CAP2: variants seen among roughly 807,000 people sequenced by gnomAD.
The protein encoded by CAP2 is adenylyl cyclase-associated protein 2.
In CAP2, 24 loss-of-function variants were observed where a neutral mutation model predicts 57.7. That is an observed-to-expected ratio of 0.42 (90% CI 0.30 to 0.58). CAP2 has a LOEUF of 0.58. Ranked by LOEUF, CAP2 falls within the 20% of genes least tolerant of loss-of-function variation. The pLI is 0.22. For missense variants in CAP2, 501 were observed against 590.3 expected, an observed-to-expected ratio of 0.85 and a Z score of 1.57; for synonymous variants, 194 against 207.2, an observed-to-expected ratio of 0.94 and a Z score of 0.55.
At chr6:17,427,020 C>G (rs527640687) in intron 3 of CAP2, among the ~76,000 whole-genome samples, 2 of 151,816 alleles carry the variant, frequency 1.3e-5, no homozygotes, top group African/African-American at 4.8e-5. Context: ...GTTTTAAGTA[C>G]GAAAAGAATA....
At chr6:17,501,476 G>A (rs76653705) in intron 4 of CAP2, among the ~76,000 whole-genome samples, 10,077 of 152,148 alleles carry the variant, frequency 0.066, 376 homozygotes, top group East Asian at 0.12. Flanking sequence ...AAAGAAATTC[G>A]TTAAAAAGAA....
intron 7 of CAP2, among the ~76,000 whole-genome samples, chr6:17,524,282 C>T (rs895501825): frequency 7.2e-5 from 11 of 152,132 alleles, no homozygotes; most frequent in Admixed American, 6.6e-4. Context: ...TCCAATTTCA[C>T]ACACAGTCAT....
intron 4 of CAP2, among the ~76,000 whole-genome samples, chr6:17,465,597 C>T (rs769501570): frequency 1.3e-5 from 2 of 152,148 alleles, no homozygotes; most frequent in Non-Finnish European, 2.9e-5. Flanking sequence ...TGAGTGATCA[C>T]CACGTGTTGT....
chr6:17,476,034 G>T (rs957298632), intron 4 of CAP2, among the ~76,000 whole-genome samples: 1 of 152,170 alleles, frequency 6.6e-6, no homozygotes, highest in Non-Finnish European at 1.5e-5. Context: ...CTCTTGGATA[G>T]TCATAATTGG....
rs185152106 is a variant in CAP2, at chr6:17,476,528, C to G, written c.300+13455C>G. Among the ~76,000 whole-genome samples, 390 of 152,330 alleles carry G rather than the reference C, an allele frequency of 2.6e-3. 2 individuals carry two copies. Among genetic ancestry groups the G allele is most frequent in the African/African-American group, 8.7e-3 (360 of 41,582 alleles). ...ATCATTCTGTAATTCTCTAATACCACGCTTGAGATTGGATTATCTTTTTCA... is the reference window on the plus strand; with the variant it reads ...ATCATTCTGTAATTCTCTAATACCAGGCTTGAGATTGGATTATCTTTTTCA... On this transcript the variant is annotated intron_variant, in intron 4 of 12. Transcript: ENST00000229922.
chr6:17,436,187 C>T lies in CAP2; in HGVS notation c.222+9497C>T, dbSNP rs963002063. 4.0e-5 allele frequency among the ~76,000 whole-genome samples: 6 copies of T among 151,742 alleles called. 1 individual carries two copies. Among genetic ancestry groups the T allele is most frequent in the South Asian group, 4.2e-4 (2 of 4,784 alleles). On this transcript the variant is annotated intron_variant, in intron 3 of 12. Transcript: ENST00000229922. ...TCACCCAGGCTGGAGCACAGTCATGCGATTTCGGTCACTGCAACCTCTGCC... is the reference window on the plus strand; with the variant it reads ...TCACCCAGGCTGGAGCACAGTCATGTGATTTCGGTCACTGCAACCTCTGCC...
At chr6:17,485,017 T>C (rs149637471) in intron 4 of CAP2, among the ~76,000 whole-genome samples, 1 of 152,344 alleles carries the variant, frequency 6.6e-6, no homozygotes, top group East Asian at 1.9e-4. Flanking sequence ...TTGTCCGATT[T>C]CTTTACTTGC....
chr6:17,462,402 A>T (rs1462586333), intron 3 of CAP2, among the ~76,000 whole-genome samples: 2 of 152,116 alleles, frequency 1.3e-5, no homozygotes, highest in Non-Finnish European at 2.9e-5. Flanking sequence ...TAACAGCTTT[A>T]TTGAAATATA....
intron 9 of CAP2, among the ~76,000 whole-genome samples, chr6:17,541,977 C>A (rs1375114485): frequency 1.3e-5 from 2 of 152,194 alleles, no homozygotes; most frequent in East Asian, 3.9e-4. Context: ...AACTGTCCAG[C>A]TCAGTGGCAT....
intron 1 of CAP2, among the ~76,000 whole-genome samples, chr6:17,410,027 C>T (rs990285483): frequency 3.9e-5 from 6 of 152,190 alleles, no homozygotes; most frequent in Admixed American, 1.3e-4. Flanking sequence ...AATATTTACT[C>T]GTCATTCATG....
intron 4 of CAP2, among the ~76,000 whole-genome samples, chr6:17,480,518 AGCTGTTGGGGG>A (rs976061941): frequency 6.6e-6 from 1 of 152,166 alleles, no homozygotes; most frequent in African/African-American, 2.4e-5. Context: ...ATAAGTATTG[AGCTGTTGGGGG>A]GCCCTAGGTA....
intron 7 of CAP2, among the ~76,000 whole-genome samples, chr6:17,514,333 A>G (rs1021063349): frequency 6.6e-6 from 1 of 152,220 alleles, no homozygotes; most frequent in Non-Finnish European, 1.5e-5. Context: ...ATTGCACTCC[A>G]GCCTGGGCGA....
At chr6:17,442,856 T>G (rs1760129590) in intron 3 of CAP2, among the ~76,000 whole-genome samples, 1 of 151,994 alleles carries the variant, frequency 6.6e-6, no homozygotes, top group Non-Finnish European at 1.5e-5. Flanking sequence ...TAGCTGGAAC[T>G]ACAGATGTGC....
chr6:17,457,770 A>T (rs967433267), intron 3 of CAP2, among the ~76,000 whole-genome samples: 1 of 152,232 alleles, frequency 6.6e-6, no homozygotes, highest in Non-Finnish European at 1.5e-5. Context: ...ACCTGCCAGA[A>T]AATTGCTCTA....
At chr6:17,420,739 C>G (rs1207804455) in intron 1 of CAP2, among the ~76,000 whole-genome samples, 1 of 152,162 alleles carries the variant, frequency 6.6e-6, no homozygotes, top group East Asian at 1.9e-4. Flanking sequence ...AGCATCCACA[C>G]AGGCACTTGG....
At chr6:17,484,444 G>A (rs1460792759) in intron 4 of CAP2, among the ~76,000 whole-genome samples, 1 of 152,032 alleles carries the variant, frequency 6.6e-6, no homozygotes, top group African/African-American at 2.4e-5. Context: ...GCATCATGAG[G>A]GTAATGTGAT....
chr6:17,510,413 T>C (rs1287674266), intron 6 of CAP2, among the ~76,000 whole-genome samples: 1 of 152,230 alleles, frequency 6.6e-6, no homozygotes, highest in Admixed American at 6.5e-5. Context: ...TCCATGTTGC[T>C]TTTGGGAAGA....
chr6:17,509,374 TA>T (rs948239528), intron 6 of CAP2, among the ~76,000 whole-genome samples: 2 of 151,984 alleles, frequency 1.3e-5, no homozygotes, highest in African/African-American at 4.8e-5. Context: ...TATGTAACAA[TA>T]TTTTTTTACT....
chr6:17,411,502 T>C (rs1759140262), intron 1 of CAP2, among the ~76,000 whole-genome samples: 1 of 152,202 alleles, frequency 6.6e-6, no homozygotes. Context: ...TGTGAAGTGG[T>C]ATCTGATTGG....
Sources: allele counts gnomAD v4.1 joint callset (sites outside exome capture counted in the v4.1 genomes callset), GRCh38; gene constraint gnomAD v4.1.1; transcripts MANE v1.5; gene names NCBI Gene and HGNC (gene_info 2026-07-23, HGNC 2026-07-21).